The following NCAM2 variants were observed in gnomAD, a reference collection of about 807,000 sequenced individuals.
NCAM2 encodes the protein neural cell adhesion molecule 2.
Under a neutral mutation model 98.1 loss-of-function variants are expected in NCAM2, and 30 were observed. The observed-to-expected ratio is 0.31, with a 90% CI of 0.23 to 0.41. NCAM2 has a LOEUF of 0.41. Ranked by LOEUF, NCAM2 falls within the 10% of genes least tolerant of loss-of-function variation. The pLI, the probability that NCAM2 is intolerant of heterozygous loss-of-function variation, is 1.00. For synonymous variants in NCAM2, 368 were observed against 342.4 expected, an observed-to-expected ratio of 1.07 and a Z score of -0.83; for missense variants, 867 against 1,005.8, an observed-to-expected ratio of 0.86 and a Z score of 1.87.
chr21:21,175,876 A>C (rs1176622349), intron 1 of NCAM2, among the ~76,000 whole-genome samples: 6 of 152,198 alleles, frequency 3.9e-5, no homozygotes. Context: ...TAACATTTCC[A>C]TCTGATCCCC....
chr21:21,080,957 A>T (rs1266021116), intron 1 of NCAM2, among the ~76,000 whole-genome samples: 1 of 152,108 alleles, frequency 6.6e-6, no homozygotes, highest in Non-Finnish European at 1.5e-5. Context: ...AGTAAATTAC[A>T]CTTAGAAGAG....
intron 15 of NCAM2, among the ~76,000 whole-genome samples, chr21:21,489,235 T>A (rs901498817): frequency 6.6e-6 from 1 of 152,168 alleles, no homozygotes; most frequent in Non-Finnish European, 1.5e-5. Flanking sequence ...ACCCAATTGA[T>A]CCTCCTGCTT....
At chr21:21,385,473 C>T (rs1417305258) in intron 9 of NCAM2, 2 of 431,466 alleles carry the variant, frequency 4.6e-6, no homozygotes, top group South Asian at 1.8e-5. Context: ...CAGGGTAATA[C>T]TGCTAAGAGT....
At position 21,514,122 on chromosome 21, in the gene NCAM2, C is replaced by CTTATAATAAA. The variant is rs1988563375; in HGVS notation, c.2282+5067_2282+5068insTTATAATAAA. Among the ~76,000 whole-genome samples the CTTATAATAAA allele has an allele frequency of 4.7e-5, 7 of 150,456 alleles. No individual in the cohort carries two copies. The South Asian group carries it at 1.5e-3, about 31-fold the overall frequency. On this transcript the variant is annotated intron_variant, in intron 16 of 17. Coordinates refer to ENST00000400546, the MANE Select transcript of NCAM2 (RefSeq NM_004540.5). ...ACAATTTATTATAAGTATACATAAA[C>CTTATAATAAA]CTATATATGGTATAATTAAATTTAT...
At chr21:21,437,198 G>T (rs1978486224) in intron 12 of NCAM2, among the ~76,000 whole-genome samples, 1 of 152,104 alleles carries the variant, frequency 6.6e-6, no homozygotes, top group Non-Finnish European at 1.5e-5. Context: ...GGCTCCAGTG[G>T]TATGCCGGGA....
chr21:21,015,757 G>A (rs1011283969), intron 1 of NCAM2, among the ~76,000 whole-genome samples: 1 of 152,090 alleles, frequency 6.6e-6, no homozygotes, highest in Non-Finnish European at 1.5e-5. Context: ...AGGCTGGAGC[G>A]CAATGGCACG....
At chr21:21,107,462 G>C (rs1186765076) in intron 1 of NCAM2, among the ~76,000 whole-genome samples, 1 of 151,978 alleles carries the variant, frequency 6.6e-6, no homozygotes, top group African/African-American at 2.4e-5. Context: ...ATAGGGACAG[G>C]TCAGTTTTTT....
rs879737600 is a variant in NCAM2 at position 21,125,627 on chromosome 21, AAT to A, written c.55+127015_55+127016del. 2.9e-5 allele frequency among the ~76,000 whole-genome samples: 4 copies of A among 136,024 alleles called. 1 individual carries two copies. Among genetic ancestry groups the A allele is most frequent in the African/African-American group, 5.3e-5 (2 of 37,496 alleles). The allele number at this position is 136,024 out of a possible 152,430, so 89.2% of individuals were successfully genotyped here. A position where few individuals can be genotyped will look rare whatever the true frequency, so the allele number is the denominator to read the frequency against. ...TATAAATATATAATATGTTATATAT[AAT>A]ATATAATATTTTACGTGTATATGTA... On this transcript the variant is annotated intron_variant, in intron 1 of 17. Transcript: ENST00000400546.
At chr21:21,259,711 A>T (rs1296955673) in intron 1 of NCAM2, among the ~76,000 whole-genome samples, 2 of 152,094 alleles carry the variant, frequency 1.3e-5, no homozygotes, top group Non-Finnish European at 2.9e-5. Flanking sequence ...TTGTTGGATT[A>T]AATGTACAAT....
intron 1 of NCAM2, among the ~76,000 whole-genome samples, chr21:21,059,676 A>G (rs1359978406): frequency 6.6e-6 from 1 of 152,106 alleles, no homozygotes; most frequent in Non-Finnish European, 1.5e-5. Flanking sequence ...TTTTAGATGA[A>G]CAGACATTCT....
intron 1 of NCAM2, among the ~76,000 whole-genome samples, chr21:21,083,445 G>C (rs1207357875): frequency 6.7e-6 from 1 of 150,366 alleles, no homozygotes; most frequent in Non-Finnish European, 1.5e-5. Flanking sequence ...TTTGAGACAG[G>C]GTCTCACTCT....
intron 1 of NCAM2, among the ~76,000 whole-genome samples, chr21:21,262,295 C>A (rs114368068): frequency 2.0e-5 from 3 of 152,074 alleles, no homozygotes; most frequent in Non-Finnish European, 2.9e-5. Context: ...AGAGCTAGTA[C>A]TAATCTTATT....
At chr21:21,170,257 T>G (rs1271030223) in intron 1 of NCAM2, among the ~76,000 whole-genome samples, 1 of 152,204 alleles carries the variant, frequency 6.6e-6, no homozygotes, top group African/African-American at 2.4e-5. Context: ...TCCTTGGTAT[T>G]ACCCATATTA....
chr21:21,147,037 C>T (rs1241597035), intron 1 of NCAM2: 7 of 841,516 alleles, frequency 8.3e-6, no homozygotes, highest in Non-Finnish European at 9.5e-6. Context: ...CCCTGTCCCA[C>T]TCCGGAACTC....
At chr21:21,262,659 A>AAAG (rs1491357728) in intron 1 of NCAM2, among the ~76,000 whole-genome samples, 1 of 6,306 alleles carries the variant, frequency 1.6e-4, no homozygotes, top group African/African-American at 6.8e-4. Flanking sequence ...ACAATCAGTC[A>AAAG]AAAAAAAAAA....
At chr21:21,088,878 A>C (rs1369677752) in intron 1 of NCAM2, among the ~76,000 whole-genome samples, 2 of 151,934 alleles carry the variant, frequency 1.3e-5, no homozygotes, top group Non-Finnish European at 2.9e-5. Flanking sequence ...AGGCTGAGGC[A>C]GGAGAATGGC....
intron 5 of NCAM2, among the ~76,000 whole-genome samples, chr21:21,300,327 G>A (rs1212029681): frequency 6.6e-6 from 1 of 151,998 alleles, no homozygotes; most frequent in African/African-American, 2.4e-5. Context: ...AGACTCTCAG[G>A]TAGAGTTCTT....
intron 17 of NCAM2, among the ~76,000 whole-genome samples, chr21:21,537,539 G>A (rs1345518280): frequency 6.6e-6 from 1 of 152,034 alleles, no homozygotes; most frequent in African/African-American, 2.4e-5. Context: ...TGAGCAATTT[G>A]GTGCATCTAT....
At chr21:21,354,250 C>G (rs2075413679) in intron 8 of NCAM2, among the ~76,000 whole-genome samples, 2 of 152,084 alleles carry the variant, frequency 1.3e-5, no homozygotes, top group African/African-American at 4.8e-5. Context: ...AAATTAATCC[C>G]ACTGTACATT....
Sources: gnomAD v4.1 joint callset for allele counts (sites outside exome capture counted in the v4.1 genomes callset) on GRCh38, gnomAD v4.1.1 for gene constraint, MANE v1.5 for transcripts, NCBI Gene and HGNC (gene_info 2026-07-23, HGNC 2026-07-21) for gene names.